RDH13: variants seen among roughly 807,000 people sequenced by gnomAD.
RDH13 encodes the protein retinol dehydrogenase 13, also known as retinol dehydrogenase 13 (all-trans and 9-cis).
Under a neutral mutation model 28.3 loss-of-function variants are expected in RDH13, and 35 were observed. That is an observed-to-expected ratio of 1.24 (90% CI 0.95 to 1.64). RDH13 has a LOEUF of 1.64. Among genes scored for constraint, RDH13 ranks in the 40% most tolerant of loss-of-function variants. The pLI is 0.00. For missense variants in RDH13, 514 were observed against 446.3 expected (o/e 1.15, Z -1.37); for synonymous variants, 229 against 198.5 (o/e 1.15, Z -1.29).
chr19:55,043,289 TA>T (rs1460479898), downstream of RDH13: 2 of 152,372 alleles, frequency 1.3e-5, no homozygotes, highest in African/African-American at 4.8e-5. Flanking sequence ...TAGTCCCAGA[TA>T]CTCAGGAGGC....
At chr19:55,063,360 C>G (rs948678381), upstream of RDH13, 8 of 330,654 alleles carry the variant, frequency 2.4e-5, no homozygotes, top group African/African-American at 1.7e-4. Flanking sequence ...GCGTATAAGG[C>G]GCTACGCAGT....
intron 2 of RDH13, among the ~76,000 whole-genome samples, chr19:55,057,109 A>C (rs2075663652): frequency 6.6e-6 from 1 of 152,180 alleles, no homozygotes; most frequent in South Asian, 2.1e-4. Flanking sequence ...ACCAGACACG[A>C]AAGACCACAC....
Position 55,051,588 on chromosome 19 carries a change from C to T in RDH13, c.341-2825G>A, listed in dbSNP as rs149947044. Among the ~76,000 whole-genome samples, 947 of 151,998 alleles carry T rather than the reference C, an allele frequency of 6.2e-3. 3 individuals carry two copies. The highest frequency in any genetic ancestry group is 0.01 in the Middle Eastern group (3 of 294). ...GGGATTACAGGTGCCCGCCACCGCA[C>T]CCTGCTAATTTTTGCATTTTTAGTA... On this transcript the variant is annotated intron_variant, in intron 3 of 6. Coordinates refer to ENST00000415061, the MANE Select transcript of RDH13 (RefSeq NM_001145971.2).
At chr19:55,045,423 G>C in intron 6 of RDH13, 114 bp from the exon 7 acceptor site, 1 of 744,222 alleles carries the variant, frequency 1.3e-6, no homozygotes, top group Non-Finnish European at 2.2e-6. Context: ...CCCTCCTCTA[G>C]CCCTTTCCCC....
At chr19:55,062,822 A>G (rs942727346) in intron 1 of RDH13, 146 bp downstream of exon 1, 4 of 623,560 alleles carry the variant, frequency 6.4e-6, no homozygotes, top group Non-Finnish European at 9.9e-6. Context: ...GCCAGAGCGC[A>G]GGTTTGCCCC....
chr19:55,058,834 C>T (rs752076162), intron 2 of RDH13, among the ~76,000 whole-genome samples: 1 of 152,212 alleles, frequency 6.6e-6, no homozygotes, highest in Non-Finnish European at 1.5e-5. Flanking sequence ...GTGCCCACCA[C>T]AACTCCTGGC....
intron 2 of RDH13, among the ~76,000 whole-genome samples, chr19:55,057,521 C>T (rs966725645): frequency 4.6e-5 from 7 of 151,814 alleles, no homozygotes; most frequent in Non-Finnish European, 2.9e-5. Context: ...CAACCTCCAC[C>T]TCCTGGGTTC....
At chr19:55,048,280 C>T (rs771534319) in intron 5 of RDH13, 49 bp downstream of exon 5, 1 of 1,610,086 alleles carries the variant, frequency 6.2e-7, no homozygotes, top group Non-Finnish European at 8.5e-7. Context: ...AAAGGCCGCT[C>T]TAGGCTCAGA....
chr19:55,054,824 G>C (rs1398302487), intron 3 of RDH13, among the ~76,000 whole-genome samples: 2 of 151,458 alleles, frequency 1.3e-5, no homozygotes, highest in African/African-American at 2.4e-5. Flanking sequence ...GCAATCCTAA[G>C]AGAAGAGATT....
At chr19:55,054,526 C>T (rs1456021262) in intron 3 of RDH13, among the ~76,000 whole-genome samples, 1 of 152,094 alleles carries the variant, frequency 6.6e-6, no homozygotes, top group East Asian at 1.9e-4. Context: ...GCGGAGGCTG[C>T]AGTGAGCCAA....
intron 6 of RDH13, chr19:55,047,178 C>T (rs922494592): frequency 5.7e-6 from 8 of 1,397,620 alleles, no homozygotes; most frequent in Middle Eastern, 2.7e-4. Context: ...CATCCGCCAG[C>T]AGGGCTCTGC....
At chr19:55,056,042 T>A (rs1693429223) in intron 3 of RDH13, among the ~76,000 whole-genome samples, 1 of 151,904 alleles carries the variant, frequency 6.6e-6, no homozygotes, top group Non-Finnish European at 1.5e-5. Context: ...TAATCCCAGC[T>A]ACTCAGGAGG....
chr19:55,055,073 C>A (rs1200526615), intron 3 of RDH13, among the ~76,000 whole-genome samples: 1 of 152,090 alleles, frequency 6.6e-6, no homozygotes, highest in Non-Finnish European at 1.5e-5. Flanking sequence ...TAAATACACA[C>A]ACAAACCTAT....
At chr19:55,053,143 G>C (rs559627191) in intron 3 of RDH13, among the ~76,000 whole-genome samples, 1 of 152,072 alleles carries the variant, frequency 6.6e-6, no homozygotes, top group African/African-American at 2.4e-5. Context: ...CTCACAAACT[G>C]ATCTTCCCAA....
rs1477397452 is a variant in RDH13, at chr19:55,056,796, A to G, written c.197T>C (p.Ile66Thr). The G allele has an allele frequency of 6.2e-7, 1 of 1,613,842 alleles. No individual in the cohort carries two copies. Residue 66 changes from isoleucine (I) to threonine (T), a missense_variant, in exon 3 of 7, where the codon ATC becomes ACC. Ile to Thr is a moderately conservative substitution (Grantham distance 89, BLOSUM62 -1). Transcript: ENST00000415061. The part of the protein sequence containing the change: ...LELARRGGNI[I>T]LACRDMEKCE... Reference sequence around the variant, plus strand: ...CTTCTCCATGTCTCGGCAGGCCAGGATGATGTTGCCTCCTGAAAACCCAGG... The same window carrying G: ...CTTCTCCATGTCTCGGCAGGCCAGGGTGATGTTGCCTCCTGAAAACCCAGG...
Position 55,048,541 on chromosome 19 carries a change from C to G in RDH13, c.446G>C (p.Gly149Ala), listed in dbSNP as rs1399046990. 2.5e-5 allele frequency: 40 copies of G among 1,614,140 alleles called. No homozygotes were observed. The highest frequency in any genetic ancestry group is 3.4e-5 in the Non-Finnish European group (40 of 1,180,014). ...FEMQFGVNHL[G>A]HFLLTNLLLD... Reference sequence around the variant, plus strand: ...CAGCAAGTTTGTCAAGAGAAAGTGACCTGGATTAAGGATGATGAAAAGGTC... The same window carrying G: ...CAGCAAGTTTGTCAAGAGAAAGTGAGCTGGATTAAGGATGATGAAAAGGTC... The change falls in exon 5 of 7, where the codon GGT becomes GCT. Residue 149 changes from glycine to alanine, a missense_variant and splice_region_variant. Transcript: ENST00000415061.
upstream of RDH13, among the ~76,000 whole-genome samples, chr19:55,064,912 C>T (rs543363330): frequency 2.9e-4 from 43 of 146,620 alleles, no homozygotes; most frequent in South Asian, 3.8e-3. Context: ...CGCACCCGGC[C>T]GGGAAGCTGT....
chr19:55,060,916 A>G (rs1654452), intron 1 of RDH13, among the ~76,000 whole-genome samples: 101,641 of 152,084 alleles, frequency 0.67, 33,984 homozygotes, highest in East Asian at 0.78. Context: ...TTAAAACCAC[A>G]TAAGTGCATC....
chr19:55,052,013 T>TG (rs1303560208), intron 3 of RDH13, among the ~76,000 whole-genome samples: 1 of 149,544 alleles, frequency 6.7e-6, no homozygotes, highest in Non-Finnish European at 1.5e-5. Context: ...ATTGCAGGCG[T>TG]GGGCCACAGT....
Sources: allele counts gnomAD v4.1 joint callset (sites outside exome capture counted in the v4.1 genomes callset), GRCh38; gene constraint gnomAD v4.1.1; transcripts MANE v1.5; gene names NCBI Gene and HGNC (gene_info 2026-07-23, HGNC 2026-07-21).